Variants in ZNF341 observed in about 807,000 individuals in gnomAD.
The protein encoded by ZNF341 is zinc finger protein 341.
ZNF341 carries 52 observed loss-of-function variants against 87.7 expected under a neutral mutation model. The observed-to-expected ratio is 0.59, with a 90% CI of 0.47 to 0.75. The LOEUF is 0.75. ZNF341 is among the 30% of genes least tolerant of loss of function. The probability of loss-of-function intolerance (pLI) is 0.00; values close to 1 mark genes in which losing one functional copy is unlikely to be tolerated. For missense variants in ZNF341, 977 were observed against 1,145.9 expected, an observed-to-expected ratio of 0.85 and a Z score of 2.13; for synonymous variants, 459 against 472.7, an observed-to-expected ratio of 0.97 and a Z score of 0.38.
At chr20:33,777,322 CA>C (rs71192713) in intron 10 of ZNF341, among the ~76,000 whole-genome samples, 266 of 32,662 alleles carry the variant, frequency 8.1e-3, no homozygotes, top group East Asian at 0.021. Context: ...GACCCTATCT[CA>C]AAAAAAAAAA....
At chr20:33,779,343 A>G (rs1360431150) in intron 10 of ZNF341, among the ~76,000 whole-genome samples, 1 of 152,078 alleles carries the variant, frequency 6.6e-6, no homozygotes, top group African/African-American at 2.4e-5. Context: ...CCATGATCCA[A>G]TCACCTCCCA....
intron 10 of ZNF341, among the ~76,000 whole-genome samples, chr20:33,770,531 A>C: frequency 6.6e-6 from 1 of 152,224 alleles, no homozygotes; most frequent in East Asian, 1.9e-4. Flanking sequence ...TTTCCCAAAA[A>C]AAAATCCTTA....
chr20:33,754,158 G>A (rs1663270352), intron 5 of ZNF341, among the ~76,000 whole-genome samples: 1 of 152,208 alleles, frequency 6.6e-6, no homozygotes, highest in Admixed American at 6.5e-5. Context: ...GATAGCGCAG[G>A]TAGGGAAATA....
intron 12 of ZNF341, among the ~76,000 whole-genome samples, chr20:33,786,483 CAG>C (rs2122737693): frequency 6.6e-6 from 1 of 152,190 alleles, no homozygotes; most frequent in East Asian, 1.9e-4. Flanking sequence ...ATTCTAGAGA[CAG>C]ATGATGGTGA....
At chr20:33,784,014 A>G (rs1195459502) in intron 12 of ZNF341, 150 bp downstream of exon 12, 2 of 561,370 alleles carry the variant, frequency 3.6e-6, no homozygotes, top group Non-Finnish European at 5.6e-6. Context: ...CTCCCTCCCC[A>G]TCTCACTCAG....
At chr20:33,758,105 G>A (rs1348259273) in intron 6 of ZNF341, among the ~76,000 whole-genome samples, 1 of 152,142 alleles carries the variant, frequency 6.6e-6, no homozygotes, top group East Asian at 1.9e-4. Context: ...TAGTCTCTTG[G>A]TCTATGATTC....
chr20:33,753,150 A>G, intron 4 of ZNF341, 22 bp from the exon 5 acceptor site: 1 of 1,611,672 alleles, frequency 6.2e-7, no homozygotes, highest in Non-Finnish European at 8.5e-7. Context: ...AGGCTATAAC[A>G]CTTTTTCTTT....
intron 1 of ZNF341, 88 bp from the exon 2 acceptor site, chr20:33,740,814 G>A (rs1160036152): frequency 8.3e-7 from 1 of 1,210,986 alleles, no homozygotes; most frequent in Admixed American, 1.8e-5. Context: ...AGCCGCCACA[G>A]GGGTTTTGCC....
chr20:33,773,347 G>A (rs182470379), intron 10 of ZNF341, among the ~76,000 whole-genome samples: 1 of 152,294 alleles, frequency 6.6e-6, no homozygotes, highest in African/African-American at 2.4e-5. Context: ...CCCTTGCAGG[G>A]TCATAGTGCC....
At chr20:33,770,436 T>C in intron 10 of ZNF341, 144 bp downstream of exon 10, 1 of 760,690 alleles carries the variant, frequency 1.3e-6, no homozygotes. Context: ...GGGTCCAGCC[T>C]GGCAGAGTGG....
intron 13 of ZNF341, 148 bp from the exon 14 acceptor site, chr20:33,789,370 G>T: frequency 1.3e-6 from 1 of 763,798 alleles, no homozygotes; most frequent in Admixed American, 2.1e-5. Context: ...TCCTGTCCTG[G>T]GCCCTGCCTG....
chr20:33,769,353 G>C, intron 9 of ZNF341, among the ~76,000 whole-genome samples: 1 of 146,570 alleles, frequency 6.8e-6, no homozygotes, highest in Non-Finnish European at 1.5e-5. Flanking sequence ...TCAGGGCCAG[G>C]GAGGGGGTGA....
At chr20:33,739,640 C>T (rs979313309) in intron 1 of ZNF341, among the ~76,000 whole-genome samples, 1 of 151,912 alleles carries the variant, frequency 6.6e-6, no homozygotes, top group African/African-American at 2.4e-5. Flanking sequence ...CGCGTGCACA[C>T]AGATTTGTGG....
chr20:33,785,720 A>G (rs4911132), intron 12 of ZNF341, among the ~76,000 whole-genome samples: 67,496 of 152,048 alleles, frequency 0.44, 16,471 homozygotes, highest in African/African-American at 0.65. Flanking sequence ...TCTTCCCCAA[A>G]GGTAACTGTT....
intron 12 of ZNF341, among the ~76,000 whole-genome samples, chr20:33,786,166 G>A (rs1355230513): frequency 6.6e-6 from 1 of 150,790 alleles, no homozygotes; most frequent in Non-Finnish European, 1.5e-5. Flanking sequence ...ATCACGCCCA[G>A]CTAATTTTTG....
intron 10 of ZNF341, among the ~76,000 whole-genome samples, chr20:33,779,147 G>A (rs2019687087): frequency 6.6e-6 from 1 of 152,168 alleles, no homozygotes; most frequent in African/African-American, 2.4e-5. Context: ...GGAGGCCTCA[G>A]GAGGCTTTTA....
chr20:33,772,223 C>T (rs2019548187), intron 10 of ZNF341, among the ~76,000 whole-genome samples: 1 of 152,006 alleles, frequency 6.6e-6, no homozygotes, highest in Non-Finnish European at 1.5e-5. Flanking sequence ...GTACATTTGC[C>T]TGCATCATCT....
Position 33,788,989 on chromosome 20 carries a change from C to A in ZNF341, c.1964+15C>A. 6.2e-7 allele frequency: 1 copy of A among 1,600,008 alleles called. No individual in the cohort carries two copies. Among genetic ancestry groups the A allele is most frequent in the Non-Finnish European group, 8.6e-7 (1 of 1,167,696 alleles). On this transcript the variant is annotated intron_variant, in intron 13 of 14. Coordinates refer to ENST00000375200, the MANE Select transcript of ZNF341 (RefSeq NM_001282933.2). ...TGCCCTTTCTCGTGAGTAGAGACTG[C>A]CATGCAGGGGGGTGGGTAGCGGGAC...
intron 11 of ZNF341, among the ~76,000 whole-genome samples, chr20:33,783,398 G>A (rs1386711428): frequency 6.6e-6 from 1 of 152,130 alleles, no homozygotes; most frequent in Non-Finnish European, 1.5e-5. Context: ...GGCTTTGCCA[G>A]GCATAGCACC....
Sources: gnomAD v4.1 joint callset for allele counts (sites outside exome capture counted in the v4.1 genomes callset) on GRCh38, gnomAD v4.1.1 for gene constraint, MANE v1.5 for transcripts, NCBI Gene and HGNC (gene_info 2026-07-23, HGNC 2026-07-21) for gene names.